The following GPC6 variants were observed in gnomAD, a reference collection of about 807,000 sequenced individuals.
The protein encoded by GPC6 is glypican 6, also known as glypican-6.
In GPC6, 14 loss-of-function variants were observed where a neutral mutation model predicts 55.2. The observed-to-expected ratio is 0.25, with a 90% confidence interval of 0.17 to 0.40. The LOEUF (loss-of-function observed/expected upper bound fraction) is 0.40, where lower values mean the gene tolerates loss of function less well. Ranked by LOEUF, GPC6 falls within the 10% of genes least tolerant of loss-of-function variation. GPC6 has a pLI of 1.00. For synonymous variants in GPC6, 278 were observed against 259.6 expected (o/e 1.07, Z -0.68); for missense variants, 641 against 708.5 (o/e 0.90, Z 1.08).
intron 4 of GPC6, among the ~76,000 whole-genome samples, chr13:94,231,126 T>G (rs547128693): frequency 2.8e-4 from 42 of 152,136 alleles, no homozygotes; most frequent in Non-Finnish European, 4.6e-4. Context: ...CAAGGTTTGG[T>G]GTATACTAGA....
intron 3 of GPC6, among the ~76,000 whole-genome samples, chr13:93,849,250 G>A (rs973519634): frequency 1.2e-4 from 18 of 151,944 alleles, no homozygotes; most frequent in Admixed American, 3.9e-4. Context: ...ATTCATATGC[G>A]TTATAACATC....
At chr13:93,791,095 A>C (rs1463935116) in intron 2 of GPC6, among the ~76,000 whole-genome samples, 1 of 152,138 alleles carries the variant, frequency 6.6e-6, no homozygotes, top group Non-Finnish European at 1.5e-5. Flanking sequence ...TGAAATGTAA[A>C]ATGTTGGTTC....
In GPC6 at chr13:93,849,438, G is replaced by A. The variant is rs139168428; in HGVS notation, c.711+18893G>A. On this transcript the variant is annotated intron_variant, in intron 3 of 8. Coordinates refer to ENST00000377047, the MANE Select transcript of GPC6 (RefSeq NM_005708.5). ...TTAGGTTTTTTGGAATATCCAGCTCGAAAGACATTGTAGATGAATGAAAGA... is the reference window on the plus strand; with the variant it reads ...TTAGGTTTTTTGGAATATCCAGCTCAAAAGACATTGTAGATGAATGAAAGA... 2.1e-3 allele frequency among the ~76,000 whole-genome samples: 320 copies of A among 152,088 alleles called. 2 individuals are homozygous for A. The highest frequency in any genetic ancestry group is 7.4e-3 in the African/African-American group (307 of 41,500).
At chr13:93,294,613 C>T (rs1043725775) in intron 1 of GPC6, among the ~76,000 whole-genome samples, 2 of 152,114 alleles carry the variant, frequency 1.3e-5, no homozygotes, top group African/African-American at 4.8e-5. Flanking sequence ...TTGCCTGTCT[C>T]GAAGTTGCTT....
At chr13:93,420,653 T>C (rs1876890318) in intron 1 of GPC6, among the ~76,000 whole-genome samples, 1 of 152,148 alleles carries the variant, frequency 6.6e-6, no homozygotes, top group African/African-American at 2.4e-5. Flanking sequence ...TTATCCTTGT[T>C]TTTCTGTGTA....
intron 1 of GPC6, among the ~76,000 whole-genome samples, chr13:93,487,602 G>C (rs1011971810): frequency 2.0e-5 from 3 of 152,138 alleles, no homozygotes; most frequent in African/African-American, 7.2e-5. Context: ...TTTGGATTGA[G>C]GGTTGATCAT....
chr13:93,655,905 G>A (rs896110121), intron 2 of GPC6, among the ~76,000 whole-genome samples: 2 of 152,004 alleles, frequency 1.3e-5, no homozygotes, highest in African/African-American at 4.8e-5. Context: ...TATATAGAAT[G>A]GTTAACTTGA....
intron 2 of GPC6, among the ~76,000 whole-genome samples, chr13:93,618,862 G>A (rs911640525): frequency 6.6e-6 from 1 of 152,076 alleles, no homozygotes; most frequent in African/African-American, 2.4e-5. Context: ...TTTGAGAAAT[G>A]TCACCTCAGG....
chr13:93,663,136 A>G (rs1880994046), intron 2 of GPC6, among the ~76,000 whole-genome samples: 1 of 151,802 alleles, frequency 6.6e-6, no homozygotes, highest in Non-Finnish European at 1.5e-5. Context: ...TAAGGAGTTC[A>G]GAGACTGACA....
At chr13:93,980,474 A>G (rs983502105) in intron 3 of GPC6, among the ~76,000 whole-genome samples, 1 of 152,174 alleles carries the variant, frequency 6.6e-6, no homozygotes, top group Non-Finnish European at 1.5e-5. Context: ...CCAGCCAAGC[A>G]GTATTCTCTG....
At chr13:93,798,858 G>A (rs945133507) in intron 2 of GPC6, among the ~76,000 whole-genome samples, 1 of 142,926 alleles carries the variant, frequency 7.0e-6, no homozygotes, top group Admixed American at 7.4e-5. Flanking sequence ...GGCGGAGGTT[G>A]CAATGAGCCA....
intron 4 of GPC6, among the ~76,000 whole-genome samples, chr13:94,110,371 A>G (rs1160484102): frequency 6.6e-6 from 1 of 152,120 alleles, no homozygotes; most frequent in Non-Finnish European, 1.5e-5. Flanking sequence ...ACAGGGGACT[A>G]ATACCTTAAT....
intron 1 of GPC6, among the ~76,000 whole-genome samples, chr13:93,415,075 G>T (rs945410322): frequency 6.6e-6 from 1 of 152,130 alleles, no homozygotes; most frequent in African/African-American, 2.4e-5. Context: ...CTGGTAGAAT[G>T]GTTACCATGA....
intron 4 of GPC6, among the ~76,000 whole-genome samples, chr13:94,174,398 G>A (rs1449760260): frequency 3.3e-5 from 5 of 152,120 alleles, no homozygotes; most frequent in African/African-American, 9.7e-5. Flanking sequence ...ACACAATGGG[G>A]AAATGAAAAA....
In GPC6 at chr13:94,382,559, G is replaced by T; in HGVS notation, c.1289+9G>T. 1 of 1,614,028 alleles carries T rather than the reference G, an allele frequency of 6.2e-7. No individual in the cohort carries two copies. Among genetic ancestry groups the T allele is most frequent in the South Asian group, 1.1e-5 (1 of 91,058 alleles). On this transcript the variant is annotated intron_variant, in intron 7 of 8. Transcript: ENST00000377047. Reference sequence around the variant, plus strand: ...GGGCACAGCAAAGCCAGGTGAGGGTGACTCGATGTGTGCATGGATGGGGGC... The same window carrying T: ...GGGCACAGCAAAGCCAGGTGAGGGTTACTCGATGTGTGCATGGATGGGGGC...
intron 2 of GPC6, among the ~76,000 whole-genome samples, chr13:93,565,942 A>AG (rs1876084403): frequency 6.6e-6 from 1 of 151,528 alleles, no homozygotes; most frequent in Non-Finnish European, 1.5e-5. Context: ...AACAAAAAAA[A>AG]AAAAGAAAAA....
chr13:93,904,695 C>T (rs918798388), intron 3 of GPC6, among the ~76,000 whole-genome samples: 1 of 152,084 alleles, frequency 6.6e-6, no homozygotes, highest in Non-Finnish European at 1.5e-5. Context: ...ATGAGCATGC[C>T]ACTGCACTCC....
At chr13:93,269,891 CAA>C (rs529558741) in intron 1 of GPC6, among the ~76,000 whole-genome samples, 27 of 52,574 alleles carry the variant, frequency 5.1e-4, no homozygotes, top group South Asian at 1.2e-3. Context: ...GACTCCATCT[CAA>C]AAAAAAAAAA....
intron 3 of GPC6, among the ~76,000 whole-genome samples, chr13:93,980,177 T>C (rs1880731087): frequency 6.6e-6 from 1 of 152,134 alleles, no homozygotes; most frequent in Admixed American, 6.6e-5. Context: ...ACTGAGGCTT[T>C]TCTCCCCTTT....
Sources: allele counts gnomAD v4.1 joint callset (sites outside exome capture counted in the v4.1 genomes callset), GRCh38; gene constraint gnomAD v4.1.1; transcripts MANE v1.5; gene names NCBI Gene and HGNC (gene_info 2026-07-23, HGNC 2026-07-21).